PHLPP1: variants seen among roughly 807,000 people sequenced by gnomAD.
PHLPP1 encodes PH domain and leucine rich repeat protein phosphatase 1.
Under a neutral mutation model 117.2 loss-of-function variants are expected in PHLPP1, and 42 were observed. The observed-to-expected ratio is 0.36, with a 90% CI of 0.28 to 0.46. The LOEUF is 0.46. Among genes scored for constraint, PHLPP1 ranks in the 20% least tolerant of loss-of-function variants. The pLI, the probability that PHLPP1 is intolerant of heterozygous loss-of-function variation, is 1.00. For synonymous variants in PHLPP1, 1,042 were observed against 970.7 expected (o/e 1.07, Z -1.37); for missense variants, 2,084 against 2,241.9 (o/e 0.93, Z 1.42).
Position 62,716,318 on chromosome 18 carries a change from C to T in PHLPP1, c.635C>T (p.Ala212Val), listed in dbSNP as rs1485458496. 2.6e-6 allele frequency: 4 copies of T among 1,530,616 alleles called. No homozygotes were observed. The African/African-American group carries it at 4.2e-5, about 16-fold the overall frequency. 94.8% of individuals were successfully genotyped at this position (1,530,616 alleles called of 1,614,324 possible). A position where few individuals can be genotyped will look rare whatever the true frequency, so the allele number is the denominator to read the frequency against. Residue 212 changes from alanine (A) to valine (V), a missense_variant, in exon 1 of 17, where the codon GCC becomes GTC. Ala to Val is a moderately conservative substitution (Grantham distance 64). Coordinates refer to ENST00000262719, the MANE Select transcript of PHLPP1 (RefSeq NM_194449.4). The surrounding 1 kb of genome is among the most constrained non-coding windows in gnomAD (Gnocchi z 5.7). The part of the protein sequence containing the change: ...GCVHVFDRHM[A>V]STYLRPVLCT... Reference sequence around the variant, plus strand: ...GTGCACGTCTTCGACCGCCACATGGCCTCGACCTACCTGCGCCCGGTGCTC... The same window carrying T: ...GTGCACGTCTTCGACCGCCACATGGTCTCGACCTACCTGCGCCCGGTGCTC...
At chr18:62,740,939 A>G (rs1448042357) in intron 1 of PHLPP1, among the ~76,000 whole-genome samples, 1 of 152,128 alleles carries the variant, frequency 6.6e-6, no homozygotes, top group Non-Finnish European at 1.5e-5. Flanking sequence ...ATGCCACTGC[A>G]CTCCAGCCTG....
chr18:62,741,071 G>A (rs1911513123), intron 1 of PHLPP1, among the ~76,000 whole-genome samples: 1 of 152,144 alleles, frequency 6.6e-6, no homozygotes, highest in African/African-American at 2.4e-5. Context: ...GTTGTGTTTT[G>A]TAGATTTTTA....
intron 10 of PHLPP1, among the ~76,000 whole-genome samples, chr18:62,927,168 G>A (rs759653050): frequency 5.3e-5 from 8 of 152,128 alleles, no homozygotes; most frequent in Non-Finnish European, 1.0e-4. Context: ...AACATCAGAG[G>A]ACACACAGCC....
chr18:62,830,106 A>G lies in PHLPP1; in HGVS notation c.1648A>G (p.Met550Val), dbSNP rs1157854400. The G allele has an allele frequency of 3.1e-6, 5 of 1,613,378 alleles. No individual in the cohort carries two copies. The South Asian group carries it at 3.3e-5, about 11-fold the overall frequency. ...AATGTATAATGTCCGTAAAGGCAAGATGCAGTTGCCAGTGAACCGATGGAC... is the reference window on the plus strand; with the variant it reads ...AATGTATAATGTCCGTAAAGGCAAGGTGCAGTTGCCAGTGAACCGATGGAC... ...SGMYNVRKGK[M>V]QLPVNRWTRR... The change falls in exon 2 of 17, where the codon ATG becomes GTG. Residue 550 changes from methionine (M) to valine (V), a missense_variant. Transcript: ENST00000262719.
intron 1 of PHLPP1, among the ~76,000 whole-genome samples, chr18:62,788,671 T>A (rs979751312): frequency 2.0e-5 from 3 of 152,180 alleles, no homozygotes; most frequent in Non-Finnish European, 4.4e-5. Flanking sequence ...AAAACATCAA[T>A]CTTGAGTTGT....
chr18:62,895,044 T>C lies in PHLPP1; in HGVS notation c.2100T>C (p.Asn700=). 1 of 1,612,532 alleles carries C rather than the reference T, an allele frequency of 6.2e-7. No homozygotes were observed. ...FTKLKSLNLS[N]NHLGDFPLAV... ...AGTTGAAGAGTCTTAACCTTTCCAA[T>C]AATCATTTAGGGGACTTCCCACTGG... Residue 700 remains asparagine (N), a synonymous_variant, in exon 5 of 17, where the codon AAT becomes AAC. Coordinates refer to ENST00000262719, the MANE Select transcript of PHLPP1 (RefSeq NM_194449.4).
chr18:62,872,330 A>G (rs1248519549), intron 4 of PHLPP1, among the ~76,000 whole-genome samples: 1 of 152,178 alleles, frequency 6.6e-6, no homozygotes, highest in Non-Finnish European at 1.5e-5. Context: ...TTGTGGTCAG[A>G]ATGTTGCTTT....
chr18:62,730,435 T>C (rs1911195190), intron 1 of PHLPP1, among the ~76,000 whole-genome samples: 1 of 152,176 alleles, frequency 6.6e-6, no homozygotes, highest in Non-Finnish European at 1.5e-5. Context: ...GTCTTTGTGC[T>C]TCTTTACATG....
chr18:62,803,790 C>A (rs1324491744), intron 1 of PHLPP1, among the ~76,000 whole-genome samples: 1 of 152,100 alleles, frequency 6.6e-6, no homozygotes, highest in Non-Finnish European at 1.5e-5. Flanking sequence ...AGAGATTATA[C>A]CAGTTTATAT....
chr18:62,945,296 C>A, intron 12 of PHLPP1, 25 bp downstream of exon 12: 1 of 1,568,306 alleles, frequency 6.4e-7, no homozygotes, highest in South Asian at 1.2e-5. Context: ...TTCATAAACT[C>A]TAAGCTTCAG....
chr18:62,808,575 G>A lies in PHLPP1; in HGVS notation c.1577-21460G>A, dbSNP rs145477705. ...TTTTTTTGTTTTTTTTTTTTGAGAC[G>A]GAGTTTCACTCTTGTCGCCCAGGCT... On this transcript the variant is annotated intron_variant, in intron 1 of 16. Transcript: ENST00000262719. Among the ~76,000 whole-genome samples the A allele has an allele frequency of 2.2e-3, 282 of 131,034 alleles. 3 individuals are homozygous for A. The East Asian group carries it at 0.049, about 23-fold the overall frequency. 86.0% of individuals were successfully genotyped at this position (131,034 alleles called of 152,430 possible).
intron 9 of PHLPP1, among the ~76,000 whole-genome samples, chr18:62,917,218 A>T (rs965778235): frequency 6.8e-6 from 1 of 148,098 alleles, no homozygotes; most frequent in Non-Finnish European, 1.5e-5. Context: ...TATATATTAT[A>T]TATTTATATA....
At chr18:62,864,946 G>A (rs371288607) in intron 4 of PHLPP1, among the ~76,000 whole-genome samples, 4 of 152,242 alleles carry the variant, frequency 2.6e-5, no homozygotes, top group East Asian at 3.9e-4. Context: ...CTTCAGTCTC[G>A]CATTTTCACC....
At chr18:62,842,065 G>T (rs893434508) in intron 3 of PHLPP1, among the ~76,000 whole-genome samples, 5 of 152,128 alleles carry the variant, frequency 3.3e-5, no homozygotes, top group Non-Finnish European at 5.9e-5. Flanking sequence ...GCTTATTTGA[G>T]ATATGCATAT....
At chr18:62,722,059 C>A (rs1176335405) in intron 1 of PHLPP1, among the ~76,000 whole-genome samples, 2 of 152,100 alleles carry the variant, frequency 1.3e-5, no homozygotes. Flanking sequence ...CTGTTTGGGT[C>A]CCCAGGGATG....
chr18:62,748,327 C>G (rs1911741008), intron 1 of PHLPP1, among the ~76,000 whole-genome samples: 1 of 151,442 alleles, frequency 6.6e-6, no homozygotes, highest in Non-Finnish European at 1.5e-5. Flanking sequence ...TCACTGCAGC[C>G]TCAGCCTCCT....
chr18:62,831,965 G>GATAT (rs1447510758), intron 2 of PHLPP1, among the ~76,000 whole-genome samples: 1 of 152,188 alleles, frequency 6.6e-6, no homozygotes, highest in Non-Finnish European at 1.5e-5. Context: ...GTTAGTGACT[G>GATAT]ATATACTAAG....
rs193277145 is a variant in PHLPP1, at chr18:62,931,743, C to T, written c.2961-9975C>T. Among the ~76,000 whole-genome samples, 472 of 151,190 alleles carry T rather than the reference C, an allele frequency of 3.1e-3. 1 individual carries two copies. Among genetic ancestry groups the T allele is most frequent in the African/African-American group, 0.01 (428 of 41,218 alleles). On this transcript the variant is annotated intron_variant, in intron 10 of 16. Coordinates refer to ENST00000262719, the MANE Select transcript of PHLPP1 (RefSeq NM_194449.4). Reference sequence around the variant, plus strand: ...CCCCATCTCTACTAAAAATACAAAACAATTAGCTGGGCATGGTGGCACATG... The same window carrying T: ...CCCCATCTCTACTAAAAATACAAAATAATTAGCTGGGCATGGTGGCACATG...
intron 1 of PHLPP1, among the ~76,000 whole-genome samples, chr18:62,807,464 A>G (rs974253225): frequency 6.6e-6 from 1 of 152,352 alleles, no homozygotes; most frequent in African/African-American, 2.4e-5. Context: ...TTGTATTCAC[A>G]TAGCTTATAA....
Sources: allele counts gnomAD v4.1 joint callset (sites outside exome capture counted in the v4.1 genomes callset), GRCh38; gene constraint gnomAD v4.1.1; non-coding constraint Gnocchi (gnomAD v3.1); transcripts MANE v1.5; gene names NCBI Gene and HGNC (gene_info 2026-07-23, HGNC 2026-07-21).